The following CNTNAP2 variants were observed in gnomAD, a reference collection of about 807,000 sequenced individuals.
CNTNAP2 encodes the protein contactin associated protein 2.
In CNTNAP2, 98 loss-of-function variants were observed where a neutral mutation model predicts 155.2. The ratio of observed to expected loss-of-function variants is 0.63; its 90% CI spans 0.54 to 0.75. The LOEUF is 0.75. Among genes scored for constraint, CNTNAP2 ranks in the 30% least tolerant of loss-of-function variants. The pLI, the probability that CNTNAP2 is intolerant of heterozygous loss-of-function variation, is 0.00. For missense variants in CNTNAP2, 1,727 were observed against 1,688.1 expected, an observed-to-expected ratio of 1.02 and a Z score of -0.40; for synonymous variants, 651 against 631.2, an observed-to-expected ratio of 1.03 and a Z score of -0.47.
At chr7:148,386,287 T>G (rs1464330388) in intron 22 of CNTNAP2, among the ~76,000 whole-genome samples, 3 of 152,098 alleles carry the variant, frequency 2.0e-5, no homozygotes, top group African/African-American at 7.2e-5. Context: ...CCCAGCATTT[T>G]GGGAGGCTGA....
chr7:146,215,841 A>G (rs150945112), intron 1 of CNTNAP2, among the ~76,000 whole-genome samples: 1 of 152,326 alleles, frequency 6.6e-6, no homozygotes, highest in East Asian at 1.9e-4. Context: ...GTCGGCTGAT[A>G]TCGCATTTGC....
chr7:147,397,047 C>T (rs13238589), intron 10 of CNTNAP2, among the ~76,000 whole-genome samples: 23,488 of 151,818 alleles, frequency 0.15, 2,073 homozygotes, highest in East Asian at 0.35. Context: ...AATAAGATGG[C>T]GTTCGTGTGA....
chr7:148,232,287 C>A (rs542854490), intron 20 of CNTNAP2, among the ~76,000 whole-genome samples: 86 of 152,328 alleles, frequency 5.6e-4, no homozygotes, highest in African/African-American at 2.0e-3. Context: ...TGCAGGGAGG[C>A]CTTGCAGACG....
intron 1 of CNTNAP2, among the ~76,000 whole-genome samples, chr7:146,297,617 G>A (rs989963110): frequency 6.6e-6 from 1 of 152,092 alleles, no homozygotes; most frequent in Non-Finnish European, 1.5e-5. Context: ...GAAAGTTTCA[G>A]TAAATATGAT....
chr7:147,415,541 C>G (rs913354449), intron 10 of CNTNAP2, among the ~76,000 whole-genome samples: 1 of 152,164 alleles, frequency 6.6e-6, no homozygotes, highest in Non-Finnish European at 1.5e-5. Context: ...AAGAAAGTGC[C>G]TTGCTTCCCC....
chr7:147,059,748 A>C (rs897833620), intron 4 of CNTNAP2, among the ~76,000 whole-genome samples: 1 of 152,098 alleles, frequency 6.6e-6, no homozygotes, highest in Non-Finnish European at 1.5e-5. Context: ...TTATTCCCCC[A>C]TTTTGCAAAT....
Position 147,667,810 on chromosome 7 carries a change from AT to A in CNTNAP2, c.2098+28505del, listed in dbSNP as rs1563045517. On this transcript the variant is annotated intron_variant, in intron 13 of 23. Transcript: ENST00000361727. Reference sequence around the variant, plus strand: ...GCTGCTGCTGCAAAAAAAAAAAATAATAAAAAAAATAAAATAAAAAAATAAA... The same window carrying A: ...GCTGCTGCTGCAAAAAAAAAAAATAAAAAAAAAATAAAATAAAAAAATAAA... Among the ~76,000 whole-genome samples, 46 of 140,946 alleles carry A rather than the reference AT, an allele frequency of 3.3e-4. 1 individual carries two copies. Among genetic ancestry groups the A allele is most frequent in the African/African-American group, 9.0e-4 (34 of 37,840 alleles). 92.5% of individuals were successfully genotyped at this position (140,946 alleles called of 152,430 possible).
chr7:148,139,786 G>A (rs924841509), intron 16 of CNTNAP2, among the ~76,000 whole-genome samples: 11 of 152,016 alleles, frequency 7.2e-5, no homozygotes, highest in Non-Finnish European at 1.0e-4. Context: ...TAAGCCACCC[G>A]CCTCGGCCTC....
At chr7:146,220,725 A>G (rs560937341) in intron 1 of CNTNAP2, among the ~76,000 whole-genome samples, 1 of 152,338 alleles carries the variant, frequency 6.6e-6, no homozygotes, top group East Asian at 1.9e-4. Context: ...CTGTTACACA[A>G]AAACTTTTAA....
At chr7:146,358,297 G>A (rs1483152074) in intron 1 of CNTNAP2, among the ~76,000 whole-genome samples, 3 of 152,114 alleles carry the variant, frequency 2.0e-5, no homozygotes, top group Non-Finnish European at 4.4e-5. Context: ...GCCTCCCAAA[G>A]TGCTGGGATT....
intron 13 of CNTNAP2, among the ~76,000 whole-genome samples, chr7:147,870,304 T>C (rs1048092769): frequency 1.3e-5 from 2 of 152,168 alleles, no homozygotes; most frequent in Non-Finnish European, 2.9e-5. Context: ...TAGTCTCTGG[T>C]GCAGTTCTAG....
chr7:147,251,322 G>T (rs1392027339), intron 8 of CNTNAP2, among the ~76,000 whole-genome samples: 2 of 152,152 alleles, frequency 1.3e-5, no homozygotes, highest in African/African-American at 4.8e-5. Context: ...TCAGGACGAG[G>T]CATTGTTTGG....
At chr7:147,078,901 C>G (rs1423258183) in intron 4 of CNTNAP2, among the ~76,000 whole-genome samples, 1 of 151,964 alleles carries the variant, frequency 6.6e-6, no homozygotes, top group Non-Finnish European at 1.5e-5. Flanking sequence ...AGGTGTGCGC[C>G]ACCATGCCCA....
chr7:146,329,827 A>G (rs1801152539), intron 1 of CNTNAP2, among the ~76,000 whole-genome samples: 3 of 152,152 alleles, frequency 2.0e-5, no homozygotes. Context: ...CTGAATAGCC[A>G]CATTACTTCC....
intron 11 of CNTNAP2, among the ~76,000 whole-genome samples, chr7:147,516,848 CTTTT>C (rs1221666617): frequency 1.8e-5 from 2 of 112,620 alleles, no homozygotes; most frequent in African/African-American, 3.4e-5. Flanking sequence ...TCTTTCTTTT[CTTTT>C]TTTTTTTTTT....
chr7:146,900,633 G>A (rs1795973906), intron 3 of CNTNAP2, among the ~76,000 whole-genome samples: 1 of 152,044 alleles, frequency 6.6e-6, no homozygotes, highest in Admixed American at 6.6e-5. Flanking sequence ...CCCACTCCCA[G>A]TCCCATACCT....
intron 11 of CNTNAP2, among the ~76,000 whole-genome samples, chr7:147,512,004 G>T (rs1300753791): frequency 6.6e-6 from 1 of 152,100 alleles, no homozygotes; most frequent in Non-Finnish European, 1.5e-5. Context: ...TAATTACCTT[G>T]ACCAAAGCAT....
chr7:148,258,535 C>T (rs998433095), intron 20 of CNTNAP2, among the ~76,000 whole-genome samples: 4 of 152,068 alleles, frequency 2.6e-5, no homozygotes, highest in Non-Finnish European at 4.4e-5. Flanking sequence ...ATGGAGATTC[C>T]GATGGGGAGA....
intron 3 of CNTNAP2, among the ~76,000 whole-genome samples, chr7:146,886,905 T>C (rs1383275139): frequency 1.3e-5 from 2 of 151,866 alleles, no homozygotes; most frequent in Middle Eastern, 3.4e-3. Context: ...GGAAAACTTT[T>C]GCTAAATTCC....
Sources: gnomAD v4.1 joint callset for allele counts (sites outside exome capture counted in the v4.1 genomes callset) on GRCh38, gnomAD v4.1.1 for gene constraint, MANE v1.5 for transcripts, NCBI Gene and HGNC (gene_info 2026-07-23, HGNC 2026-07-21) for gene names.